The following NELL1 variants were observed in gnomAD, a reference collection of about 807,000 sequenced individuals.
NELL1 encodes protein kinase C-binding protein NELL1.
Under a neutral mutation model 107.4 loss-of-function variants are expected in NELL1, and 76 were observed. The ratio of observed to expected loss-of-function variants is 0.71; its 90% CI spans 0.59 to 0.86. NELL1 has a LOEUF of 0.86. Ranked by LOEUF, NELL1 falls within the 40% of genes least tolerant of loss-of-function variation. The probability of loss-of-function intolerance (pLI) is 0.00; values close to 1 mark genes in which losing one functional copy is unlikely to be tolerated. For missense variants in NELL1, 1,024 were observed against 1,005.5 expected (o/e 1.02, Z -0.25); for synonymous variants, 353 against 341.2 (o/e 1.03, Z -0.38).
At position 20,928,931 on chromosome 11, in the gene NELL1, C is replaced by G. The variant is rs141739440; in HGVS notation, c.997+452C>G. On this transcript the variant is annotated intron_variant, in intron 9 of 19. Transcript: ENST00000357134. ...ATTAAGAGGCCTTTGTTAGGAACTT[C>G]CGGATGAAATTCAGTTAAAATACTG... Among the ~76,000 whole-genome samples, 147 of 152,238 alleles carry G rather than the reference C, an allele frequency of 9.7e-4. 1 individual carries two copies. Among genetic ancestry groups the G allele is most frequent in the African/African-American group, 3.3e-3 (136 of 41,528 alleles).
chr11:21,243,631 G>A (rs144891110), intron 14 of NELL1, among the ~76,000 whole-genome samples: 7 of 152,216 alleles, frequency 4.6e-5, no homozygotes, highest in African/African-American at 9.6e-5. Context: ...AGTAGAAGAC[G>A]TAAAGGCTCT....
chr11:21,476,951 C>A (rs1183234952), intron 15 of NELL1, among the ~76,000 whole-genome samples: 1 of 152,116 alleles, frequency 6.6e-6, no homozygotes, highest in Non-Finnish European at 1.5e-5. Flanking sequence ...GCAGTCAGAA[C>A]CTGAGTTCTG....
chr11:21,107,599 G>A (rs1421636469), intron 12 of NELL1, among the ~76,000 whole-genome samples: 1 of 152,096 alleles, frequency 6.6e-6, no homozygotes, highest in Non-Finnish European at 1.5e-5. Context: ...AATAGTGTGG[G>A]GGCTCGGGTC....
At chr11:20,859,568 T>C (rs1320624884) in intron 4 of NELL1, among the ~76,000 whole-genome samples, 1 of 152,206 alleles carries the variant, frequency 6.6e-6, no homozygotes, top group Non-Finnish European at 1.5e-5. Flanking sequence ...GTGTTACGTA[T>C]GTGGTTTTAC....
intron 2 of NELL1, among the ~76,000 whole-genome samples, chr11:20,759,335 G>A (rs1316783065): frequency 6.6e-6 from 1 of 152,126 alleles, no homozygotes. Flanking sequence ...ACATTGAAAG[G>A]ATCCATGGTC....
At chr11:20,841,319 GTTTTT>G (rs397772940) in intron 3 of NELL1, among the ~76,000 whole-genome samples, 1 of 123,524 alleles carries the variant, frequency 8.1e-6, no homozygotes, top group Non-Finnish European at 1.7e-5. Flanking sequence ...CTCTGCTCAT[GTTTTT>G]TTTTTTTTTT....
chr11:20,920,184 G>A (rs934717403), intron 7 of NELL1, among the ~76,000 whole-genome samples: 2 of 151,702 alleles, frequency 1.3e-5, no homozygotes, highest in Non-Finnish European at 2.9e-5. Flanking sequence ...AGCCTAGGGC[G>A]AAGAAAGAAT....
chr11:21,301,162 G>C (rs1473549372), intron 14 of NELL1, among the ~76,000 whole-genome samples: 3 of 152,096 alleles, frequency 2.0e-5, no homozygotes, highest in Non-Finnish European at 2.9e-5. Flanking sequence ...CATTTGAGTT[G>C]GTTCCAAGTC....
At chr11:20,758,876 A>T (rs560868222) in intron 2 of NELL1, among the ~76,000 whole-genome samples, 3 of 152,304 alleles carry the variant, frequency 2.0e-5, no homozygotes, top group Admixed American at 6.5e-5. Context: ...TATTAATAAG[A>T]ATCTGTAACA....
intron 16 of NELL1, among the ~76,000 whole-genome samples, chr11:21,539,302 G>A (rs185631432): frequency 2.7e-4 from 41 of 152,188 alleles, no homozygotes; most frequent in African/African-American, 7.5e-4. Context: ...GCCCAAGTGG[G>A]TGTGTGTTAC....
At chr11:21,154,786 C>G (rs7125832) in intron 13 of NELL1, among the ~76,000 whole-genome samples, 42,689 of 151,804 alleles carry the variant, frequency 0.28, 6,349 homozygotes, top group East Asian at 0.5. Context: ...TGGAATTTAT[C>G]ATGTGGGCCT....
At chr11:20,834,680 G>A (rs1350854250) in intron 3 of NELL1, among the ~76,000 whole-genome samples, 3 of 150,064 alleles carry the variant, frequency 2.0e-5, no homozygotes, top group Non-Finnish European at 3.0e-5. Context: ...TCCAGCCTGG[G>A]CAACAGAGAG....
At chr11:20,835,293 TG>T (rs1210978950) in intron 3 of NELL1, among the ~76,000 whole-genome samples, 8 of 152,232 alleles carry the variant, frequency 5.3e-5, no homozygotes, top group African/African-American at 1.7e-4. Context: ...GTAAATTCTT[TG>T]ACAAGAGGCA....
At chr11:20,804,320 C>T (rs564898794) in intron 3 of NELL1, among the ~76,000 whole-genome samples, 75 of 152,310 alleles carry the variant, frequency 4.9e-4, no homozygotes, top group African/African-American at 1.8e-3. Flanking sequence ...ACTGCAACCT[C>T]TGCCTCCTGA....
chr11:21,001,728 C>T lies in NELL1; in HGVS notation c.1300+41168C>T, dbSNP rs35383034. Among the ~76,000 whole-genome samples the T allele has an allele frequency of 7.7e-3, 1,171 of 151,658 alleles. 10 individuals are homozygous for T. Among genetic ancestry groups the T allele is most frequent in the Non-Finnish European group, 0.012 (792 of 67,872 alleles). ...ATCTTACAAAGTCTTGGGCAATCAA[C>T]GGGGAGCTCCCACATTGGAAGGGGG... On this transcript the variant is annotated intron_variant, in intron 12 of 19. Coordinates refer to ENST00000357134, the MANE Select transcript of NELL1 (RefSeq NM_006157.5).
chr11:21,447,011 T>C (rs1208257952), intron 15 of NELL1, among the ~76,000 whole-genome samples: 2 of 152,162 alleles, frequency 1.3e-5, no homozygotes, highest in East Asian at 3.8e-4. Flanking sequence ...TATTCTTTCC[T>C]CCTGTTTACC....
At chr11:21,080,436 CATATT>C (rs1361311974) in intron 12 of NELL1, among the ~76,000 whole-genome samples, 1 of 152,010 alleles carries the variant, frequency 6.6e-6, no homozygotes, top group Non-Finnish European at 1.5e-5. Flanking sequence ...AAACTAGAGG[CATATT>C]ATATATTGTT....
At chr11:20,955,874 A>G (rs1851159901) in intron 11 of NELL1, among the ~76,000 whole-genome samples, 1 of 152,150 alleles carries the variant, frequency 6.6e-6, no homozygotes, top group Non-Finnish European at 1.5e-5. Context: ...AATTAACTTG[A>G]CTTTATCTAG....
At chr11:21,043,326 A>G (rs557682612) in intron 12 of NELL1, among the ~76,000 whole-genome samples, 8 of 152,140 alleles carry the variant, frequency 5.3e-5, no homozygotes, top group Non-Finnish European at 1.2e-4. Context: ...TGGGAGATGG[A>G]TATTAAATGA....
Sources: gnomAD v4.1 joint callset for allele counts (sites outside exome capture counted in the v4.1 genomes callset) on GRCh38, gnomAD v4.1.1 for gene constraint, MANE v1.5 for transcripts, NCBI Gene and HGNC (gene_info 2026-07-23, HGNC 2026-07-21) for gene names.